DENND2C: variants seen among roughly 807,000 people sequenced by gnomAD.
DENND2C encodes the protein DENN domain-containing protein 2C.
In DENND2C, 72 loss-of-function variants were observed where a neutral mutation model predicts 112.4. The observed-to-expected ratio is 0.64, with a 90% CI of 0.53 to 0.78. The LOEUF (loss-of-function observed/expected upper bound fraction) is 0.78, where lower values mean the gene tolerates loss of function less well. Among genes scored for constraint, DENND2C ranks in the 30% least tolerant of loss-of-function variants. The probability of loss-of-function intolerance (pLI) is 0.00; values close to 1 mark genes in which losing one functional copy is unlikely to be tolerated. For synonymous variants in DENND2C, 329 were observed against 381.6 expected (o/e 0.86, Z 1.61); for missense variants, 992 against 1,113.8 (o/e 0.89, Z 1.56).
intron 15 of DENND2C, among the ~76,000 whole-genome samples, chr1:114,599,955 CG>C (rs1655448970): frequency 9.0e-6 from 1 of 111,002 alleles, no homozygotes; most frequent in Non-Finnish European, 1.8e-5. Flanking sequence ...CATCACACAC[CG>C]GGGCCTGTCG....
At position 114,583,723 on chromosome 1, in the gene DENND2C, C is replaced by G. The variant is rs1258331744; in HGVS notation, c.*1877G>C. ...TCAGGAGGCTGAGGCAGGAGAATTG[C>G]TTGAAGCCGGGAGGCGGAGGTTGCA... On this transcript the variant is annotated 3_prime_UTR_variant, in exon 21 of 21. Transcript: ENST00000393274. 6.7e-6 allele frequency: 1 copy of G among 149,640 alleles called. No homozygotes were observed. The highest frequency in any genetic ancestry group is 6.8e-5 in the Admixed American group (1 of 14,798). 9.3% of individuals were successfully genotyped at this position (149,640 alleles called of 1,614,324 possible).
intron 18 of DENND2C, among the ~76,000 whole-genome samples, chr1:114,592,150 G>A (rs1211479977): frequency 1.3e-5 from 2 of 152,018 alleles, no homozygotes; most frequent in Admixed American, 1.3e-4. Flanking sequence ...CTCCCAAAGT[G>A]CTGGGATTAT....
chr1:114,582,954 AAACAC>A lies in DENND2C; in HGVS notation c.*2641_*2645del, dbSNP rs1654939518. The A allele has an allele frequency of 6.6e-6, 1 of 152,264 alleles. No individual in the cohort carries two copies. Among genetic ancestry groups the A allele is most frequent in the African/African-American group, 2.4e-5 (1 of 41,466 alleles). 9.4% of individuals were successfully genotyped at this position (152,264 alleles called of 1,614,324 possible). A position where few individuals can be genotyped will look rare whatever the true frequency, so the allele number is the denominator to read the frequency against. ...TCCAGAATTCCTAACACTTTACAGA[AAACAC>A]AACAGACCTAAGGAAATGAAGCAGC... is the stretch of plus-strand genomic sequence containing the variant. On this transcript the variant is annotated 3_prime_UTR_variant, in exon 21 of 21. Coordinates refer to ENST00000393274, the MANE Select transcript of DENND2C (RefSeq NM_001256404.2).
In DENND2C at chr1:114,625,666, A is replaced by C. The variant is rs1458440322; in HGVS notation, c.319T>G (p.Phe107Val). 12 of 1,614,118 alleles carry C rather than the reference A, an allele frequency of 7.4e-6. No individual in the cohort carries two copies. The highest frequency in any genetic ancestry group is 8.5e-6 in the Non-Finnish European group (10 of 1,180,010). Residue 107 changes from phenylalanine to valine, a missense_variant, in exon 4 of 21, where the codon TTC becomes GTC. Transcript: ENST00000393274. ...NKKHEYDDTH[F>V]FKNESESNWV... ...TTGGATTCTGATTCATTTTTAAAGA[A>C]GTGTGTATCGTCATATTCATGTTTC... is the stretch of plus-strand genomic sequence containing the variant.
intron 8 of DENND2C, among the ~76,000 whole-genome samples, chr1:114,615,875 A>G (rs549079891): frequency 6.6e-6 from 1 of 152,262 alleles, no homozygotes; most frequent in East Asian, 1.9e-4. Flanking sequence ...GAAGATCGAG[A>G]CCATCCTGGC....
intron 1 of DENND2C, among the ~76,000 whole-genome samples, chr1:114,664,121 G>A (rs986422152): frequency 6.6e-6 from 1 of 151,954 alleles, no homozygotes; most frequent in Non-Finnish European, 1.5e-5. Flanking sequence ...AAAATTTTTT[G>A]TAGAGACGAG....
At chr1:114,645,943 T>C (rs1156403491) in intron 2 of DENND2C, among the ~76,000 whole-genome samples, 4 of 152,144 alleles carry the variant, frequency 2.6e-5, no homozygotes, top group African/African-American at 9.7e-5. Context: ...TTTTTTTTTT[T>C]TGAGACAGAG....
chr1:114,602,944 T>G (rs1655554442), intron 11 of DENND2C, among the ~76,000 whole-genome samples: 1 of 152,170 alleles, frequency 6.6e-6, no homozygotes, highest in Non-Finnish European at 1.5e-5. Context: ...ATTTCTCAGT[T>G]CCAAATTCTT....
At chr1:114,593,700 G>A (rs1444146509) in intron 18 of DENND2C, among the ~76,000 whole-genome samples, 1 of 152,144 alleles carries the variant, frequency 6.6e-6, no homozygotes, top group South Asian at 2.1e-4. Flanking sequence ...TTGAGCCCAG[G>A]AGGTTGAGGC....
intron 10 of DENND2C, among the ~76,000 whole-genome samples, chr1:114,606,829 C>G (rs1229475375): frequency 6.6e-6 from 1 of 152,146 alleles, no homozygotes; most frequent in East Asian, 1.9e-4. Context: ...CTCTGGGTAG[C>G]TGCAGAATTG....
chr1:114,662,637 A>C (rs968702809), intron 1 of DENND2C, among the ~76,000 whole-genome samples: 1 of 143,294 alleles, frequency 7.0e-6, no homozygotes, highest in Non-Finnish European at 1.6e-5. Context: ...TCTAAGATTC[A>C]TAAGAAAAAA....
chr1:114,641,575 T>C (rs1032367342), intron 3 of DENND2C, among the ~76,000 whole-genome samples: 3 of 152,080 alleles, frequency 2.0e-5, no homozygotes, highest in Admixed American at 1.3e-4. Flanking sequence ...ACTCTCTTGC[T>C]CCCTCTCTTG....
chr1:114,654,741 C>T lies in DENND2C; in HGVS notation c.-553G>A, dbSNP rs1054001565. On this transcript the variant is annotated 5_prime_UTR_variant, in exon 2 of 21. Transcript: ENST00000393274. ...AAATAGCAAGTGGTTTAAGCAATACCGATGTTTGTTTCTCTGCCACCTAAA... is the reference window on the plus strand; with the variant it reads ...AAATAGCAAGTGGTTTAAGCAATACTGATGTTTGTTTCTCTGCCACCTAAA... 1.9e-4 allele frequency: 29 copies of T among 149,788 alleles called. No individual in the cohort carries two copies. The highest frequency in any genetic ancestry group is 3.9e-4 in the East Asian group (2 of 5,138). 9.3% of individuals were successfully genotyped at this position (149,788 alleles called of 1,614,324 possible).
Position 114,612,597 on chromosome 1 carries a change from A to G in DENND2C, c.1325-1480T>C, listed in dbSNP as rs376952103. Among the ~76,000 whole-genome samples, 17 of 150,108 alleles carry G rather than the reference A, an allele frequency of 1.1e-4. No homozygotes were observed. The East Asian group carries it at 2.6e-3, about 23-fold the overall frequency. ...TGCAGTGGCACAATCTCGGCTCACT[A>G]CAACCTCCACCTCCAGGGTTCAAGC... On this transcript the variant is annotated intron_variant, in intron 8 of 20. Transcript: ENST00000393274.
intron 16 of DENND2C, 66 bp downstream of exon 16, chr1:114,599,208 C>T: frequency 8.2e-7 from 1 of 1,224,916 alleles, no homozygotes; most frequent in Non-Finnish European, 1.1e-6. Context: ...ACAATTCCAC[C>T]ACTCTTAAGA....
Position 114,583,213 on chromosome 1 carries a change from T to G in DENND2C, c.*2387A>C, listed in dbSNP as rs1212345147. On this transcript the variant is annotated 3_prime_UTR_variant, in exon 21 of 21. Transcript: ENST00000393274. ...AAAAAAAAGACAGGCTCAGTTCTAT[T>G]CCCTGGACCCACATCTGTAGGAATT... 2 of 152,128 alleles carry G rather than the reference T, an allele frequency of 1.3e-5. No individual in the cohort carries two copies. Among genetic ancestry groups the G allele is most frequent in the Non-Finnish European group, 2.9e-5 (2 of 68,046 alleles). The allele number at this position is 152,128 out of a possible 1,614,324, so 9.4% of individuals were successfully genotyped here. A position where few individuals can be genotyped will look rare whatever the true frequency, so the allele number is the denominator to read the frequency against.
chr1:114,638,072 A>G (rs1253622085), intron 3 of DENND2C, among the ~76,000 whole-genome samples: 3 of 152,208 alleles, frequency 2.0e-5, no homozygotes, highest in Non-Finnish European at 4.4e-5. Flanking sequence ...AATCACAACA[A>G]TGTATATTAG....
chr1:114,610,968 T>C, intron 9 of DENND2C, 105 bp downstream of exon 9: 2 of 1,302,984 alleles, frequency 1.5e-6, no homozygotes, highest in Non-Finnish European at 2.2e-6. Flanking sequence ...ATCTACAAAA[T>C]GGAACTTCAT....
chr1:114,669,620 G>A (rs1657734259), intron 1 of DENND2C, among the ~76,000 whole-genome samples: 1 of 152,106 alleles, frequency 6.6e-6, no homozygotes, highest in African/African-American at 2.4e-5. Flanking sequence ...GAGAAAGCCC[G>A]CGTTTCCCCA....
Sources: gnomAD v4.1 joint callset for allele counts (sites outside exome capture counted in the v4.1 genomes callset) on GRCh38, gnomAD v4.1.1 for gene constraint, MANE v1.5 for transcripts, NCBI Gene and HGNC (gene_info 2026-07-23, HGNC 2026-07-21) for gene names.